The following PLCB1 variants were observed in gnomAD, a reference collection of about 807,000 sequenced individuals.
The protein encoded by PLCB1 is phospholipase C beta 1, also known as 1-phosphatidylinositol 4,5-bisphosphate phosphodiesterase beta-1.
A neutral mutation model predicts 161.8 loss-of-function variants in PLCB1; 46 were observed. The ratio of observed to expected loss-of-function variants is 0.28; its 90% CI spans 0.22 to 0.36. PLCB1 has a LOEUF of 0.36. Ranked by LOEUF, PLCB1 falls within the 10% of genes least tolerant of loss-of-function variation. The pLI, the probability that PLCB1 is intolerant of heterozygous loss-of-function variation, is 1.00. For synonymous variants in PLCB1, 517 were observed against 503.7 expected, an observed-to-expected ratio of 1.03 and a Z score of -0.35; for missense variants, 1,016 against 1,472.5, an observed-to-expected ratio of 0.69 and a Z score of 5.07.
intron 2 of PLCB1, among the ~76,000 whole-genome samples, chr20:8,268,972 A>T (rs543721099): frequency 6.6e-6 from 1 of 152,272 alleles, no homozygotes; most frequent in South Asian, 2.1e-4. Flanking sequence ...GTATGTATTG[A>T]GGCAGTCTTG....
intron 2 of PLCB1, among the ~76,000 whole-genome samples, chr20:8,327,973 A>T (rs1985224166): frequency 6.6e-6 from 1 of 152,164 alleles, no homozygotes; most frequent in Non-Finnish European, 1.5e-5. Flanking sequence ...ATATATGCAC[A>T]TATATAAACA....
At chr20:8,684,025 A>AG (rs1990288042) in intron 9 of PLCB1, among the ~76,000 whole-genome samples, 1 of 149,616 alleles carries the variant, frequency 6.7e-6, no homozygotes, top group African/African-American at 2.5e-5. Flanking sequence ...CTGGGACTGC[A>AG]GGCACCCGCC....
intron 23 of PLCB1, among the ~76,000 whole-genome samples, chr20:8,743,108 G>A (rs1259781940): frequency 6.6e-6 from 1 of 152,184 alleles, no homozygotes; most frequent in Non-Finnish European, 1.5e-5. Context: ...GTGAAAGTGA[G>A]CATCCTTGTC....
intron 10 of PLCB1, among the ~76,000 whole-genome samples, chr20:8,692,227 G>A (rs182715706): frequency 6.6e-6 from 1 of 152,218 alleles, no homozygotes; most frequent in East Asian, 1.9e-4. Flanking sequence ...CTTGGCTGAA[G>A]AAAAGTTCTA....
intron 9 of PLCB1, among the ~76,000 whole-genome samples, chr20:8,679,633 G>T (rs757483780): frequency 6.6e-6 from 1 of 152,136 alleles, no homozygotes; most frequent in Non-Finnish European, 1.5e-5. Context: ...TAGGAGCATT[G>T]TTTTTTCCAT....
chr20:8,723,118 T>G (rs1979739428), intron 15 of PLCB1, among the ~76,000 whole-genome samples: 1 of 152,192 alleles, frequency 6.6e-6, no homozygotes, highest in Admixed American at 6.5e-5. Context: ...TTAGTAAAAA[T>G]GAAACAAAAA....
chr20:8,565,564 A>T (rs915901368), intron 3 of PLCB1, among the ~76,000 whole-genome samples: 2 of 148,268 alleles, frequency 1.3e-5, no homozygotes, highest in Admixed American at 6.7e-5. Flanking sequence ...AATAAAAAAT[A>T]AAAAAAAGAA....
At chr20:8,765,453 A>G (rs758434484) in intron 26 of PLCB1, 95 bp downstream of exon 26, 45 of 899,974 alleles carry the variant, frequency 5.0e-5, no homozygotes, top group Non-Finnish European at 7.2e-5. Flanking sequence ...GACCTGTACC[A>G]TGGCAAGAAA....
intron 2 of PLCB1, among the ~76,000 whole-genome samples, chr20:8,325,938 G>C (rs552249492): frequency 6.6e-6 from 1 of 152,266 alleles, no homozygotes; most frequent in South Asian, 2.1e-4. Context: ...ATAGCCCATT[G>C]GAAAACTTGT....
At chr20:8,618,077 A>T (rs1045985844) in intron 3 of PLCB1, among the ~76,000 whole-genome samples, 10 of 152,190 alleles carry the variant, frequency 6.6e-5, no homozygotes, top group African/African-American at 1.2e-4. Context: ...TCTTAGGAAG[A>T]TGCAAGAACA....
chr20:8,159,681 T>G (rs1338684200), intron 2 of PLCB1, among the ~76,000 whole-genome samples: 2 of 152,094 alleles, frequency 1.3e-5, no homozygotes, highest in East Asian at 3.9e-4. Context: ...TTGAATGCTT[T>G]GCTGGTTAGA....
chr20:8,577,332 G>A (rs1181517926), intron 3 of PLCB1, among the ~76,000 whole-genome samples: 1 of 151,094 alleles, frequency 6.6e-6, no homozygotes, highest in Non-Finnish European at 1.5e-5. Flanking sequence ...CAGCTACTCC[G>A]GAGGCTGAGG....
intron 3 of PLCB1, among the ~76,000 whole-genome samples, chr20:8,521,045 G>A (rs1339349383): frequency 6.6e-6 from 1 of 152,112 alleles, no homozygotes; most frequent in Non-Finnish European, 1.5e-5. Context: ...ATATATCTAA[G>A]CTTCTTATAG....
chr20:8,211,581 A>G (rs144658581), intron 2 of PLCB1, among the ~76,000 whole-genome samples: 22 of 152,292 alleles, frequency 1.4e-4, no homozygotes, highest in African/African-American at 5.0e-4. Flanking sequence ...ATTGGTCTAT[A>G]TAAATCTTCA....
intron 2 of PLCB1, among the ~76,000 whole-genome samples, chr20:8,184,952 C>G (rs550735973): frequency 3.3e-5 from 5 of 152,018 alleles, no homozygotes; most frequent in African/African-American, 9.6e-5. Context: ...GCCCCCCACT[C>G]CCCAACAGGC....
In PLCB1 at chr20:8,233,204, A is replaced by C. The variant is rs1488348185; in HGVS notation, c.177+82833A>C. Among the ~76,000 whole-genome samples the C allele has an allele frequency of 3.3e-5, 5 of 150,774 alleles. No individual in the cohort carries two copies. The South Asian group carries it at 6.4e-4, about 19-fold the overall frequency. On this transcript the variant is annotated intron_variant, in intron 2 of 31. Transcript: ENST00000338037. ...ATTTATCAAATACCTGCTCTGGGATAGCTCCAGTGGATACAGTAAGATGTC... is the reference window on the plus strand; with the variant it reads ...ATTTATCAAATACCTGCTCTGGGATCGCTCCAGTGGATACAGTAAGATGTC...
chr20:8,855,779 T>G (rs1209825614), intron 31 of PLCB1, among the ~76,000 whole-genome samples: 2 of 152,236 alleles, frequency 1.3e-5, no homozygotes, highest in African/African-American at 4.8e-5. Context: ...ATCAAATTCA[T>G]GTCATAAGAA....
intron 2 of PLCB1, among the ~76,000 whole-genome samples, chr20:8,348,826 T>C (rs778086365): frequency 2.0e-5 from 3 of 152,210 alleles, no homozygotes; most frequent in Admixed American, 6.5e-5. Flanking sequence ...CCTCAGTTCA[T>C]ACTGAAACTA....
chr20:8,220,462 T>C lies in PLCB1; in HGVS notation c.177+70091T>C, dbSNP rs1021240623. On this transcript the variant is annotated intron_variant, in intron 2 of 31. Transcript: ENST00000338037. ...TTTTTGAAGATAAAATTAGTTAAGA[T>C]GAGGTTATATTGGATCAGAGTGGAC... Among the ~76,000 whole-genome samples the C allele has an allele frequency of 8.1e-4, 123 of 152,270 alleles. 2 individuals carry two copies. Among genetic ancestry groups the C allele is most frequent in the African/African-American group, 2.7e-3 (114 of 41,560 alleles).
Sources: allele counts gnomAD v4.1 joint callset (sites outside exome capture counted in the v4.1 genomes callset), GRCh38; gene constraint gnomAD v4.1.1; transcripts MANE v1.5; gene names NCBI Gene and HGNC (gene_info 2026-07-23, HGNC 2026-07-21).